ACTN4: variants seen among roughly 807,000 people sequenced by gnomAD.
ACTN4 encodes actinin alpha 4, also known as alpha-actinin-4.
A neutral mutation model predicts 114.2 loss-of-function variants in ACTN4; 18 were observed. The observed-to-expected ratio is 0.16, with a 90% CI of 0.11 to 0.23. The LOEUF (loss-of-function observed/expected upper bound fraction) is 0.23. Among genes scored for constraint, ACTN4 ranks in the 10% least tolerant of loss-of-function variants. The pLI is 1.00. For missense variants in ACTN4, 722 were observed against 1,262.9 expected (o/e 0.57, Z 6.49); for synonymous variants, 515 against 506.3 (o/e 1.02, Z -0.23).
Position 38,729,640 on chromosome 19 carries a change from C to A in ACTN4, c.*208C>A. The stretch of plus-strand genomic sequence containing the variant: ...GGTTCCCCCGACCAGGTTGGGGAGA[C>A]TTGGGGCCAGCGCTTCTGGTCTGGT... On this transcript the variant is annotated 3_prime_UTR_variant, in exon 21 of 21. Coordinates refer to ENST00000252699, the MANE Select transcript of ACTN4 (RefSeq NM_004924.6). 2 of 761,256 alleles carry A rather than the reference C, an allele frequency of 2.6e-6. No individual in the cohort carries two copies. Among genetic ancestry groups the A allele is most frequent in the Non-Finnish European group, 4.5e-6 (2 of 440,740 alleles). The allele number at this position is 761,256 out of a possible 1,614,324, so 47.2% of individuals were successfully genotyped here.
chr19:38,657,727 G>A (rs981734160), intron 1 of ACTN4, among the ~76,000 whole-genome samples: 2 of 152,146 alleles, frequency 1.3e-5, no homozygotes, highest in East Asian at 1.9e-4. Flanking sequence ...AAGGAAGCTC[G>A]CAGGTGGTTC....
intron 1 of ACTN4, among the ~76,000 whole-genome samples, chr19:38,695,144 G>A (rs1313438227): frequency 3.3e-5 from 5 of 152,198 alleles, no homozygotes; most frequent in African/African-American, 4.8e-5. Flanking sequence ...TAAAGTGCTG[G>A]GATTACATGG....
rs766916985 is a variant in ACTN4 at position 38,724,147 on chromosome 19, C to T, written c.1693-10C>T. ...GCTGGGCCGCCCCCTCACTCCAGCT[C>T]CTCCCCTAGGGCCTGATCTCAGCCC... On this transcript the variant is annotated splice_polypyrimidine_tract_variant and intron_variant, in intron 14 of 20. Coordinates refer to ENST00000252699, the MANE Select transcript of ACTN4 (RefSeq NM_004924.6). This position sits in a 1 kb window ranked among gnomAD's most constrained non-coding sequence, Gnocchi z 7.0. The T allele has an allele frequency of 1.9e-6, 3 of 1,613,692 alleles. No homozygotes were observed. Among genetic ancestry groups the T allele is most frequent in the Admixed American group, 3.3e-5 (2 of 60,002 alleles).
chr19:38,720,689 G>A lies in ACTN4; in HGVS notation c.1292-849G>A, dbSNP rs142652288. Among the ~76,000 whole-genome samples, 622 of 152,346 alleles carry A rather than the reference G, an allele frequency of 4.1e-3. 1 individual carries two copies. Among genetic ancestry groups the A allele is most frequent in the Middle Eastern group, 0.021 (6 of 292 alleles). ...TAGTTCCATGCCACACAGGTACTGG[G>A]GCTGGCCCCATTTTACAGATGAAGG... On this transcript the variant is annotated intron_variant, in intron 11 of 20. Coordinates refer to ENST00000252699, the MANE Select transcript of ACTN4 (RefSeq NM_004924.6).
At chr19:38,696,814 C>T (rs755726594) in intron 1 of ACTN4, among the ~76,000 whole-genome samples, 8 of 152,272 alleles carry the variant, frequency 5.3e-5, no homozygotes, top group Non-Finnish European at 8.8e-5. Context: ...TTCCCTTCTG[C>T]GTCATCCAGG....
At chr19:38,709,304 G>T in intron 6 of ACTN4, 91 bp from the exon 7 acceptor site, 2 of 969,082 alleles carry the variant, frequency 2.1e-6, no homozygotes, top group Non-Finnish European at 1.7e-6. Context: ...TCGCCCTCCC[G>T]GGTCTCTCCC....
chr19:38,696,585 G>A (rs908230369), intron 1 of ACTN4, among the ~76,000 whole-genome samples: 6 of 152,204 alleles, frequency 3.9e-5, no homozygotes, highest in Admixed American at 1.3e-4. Flanking sequence ...CAGTCTCTCC[G>A]CATGGAGAAG....
At chr19:38,708,330 G>C (rs1218926563) in intron 6 of ACTN4, 135 bp downstream of exon 6, 3 of 982,276 alleles carry the variant, frequency 3.1e-6, no homozygotes, top group African/African-American at 1.6e-5. Flanking sequence ...CAGCCTGGGA[G>C]AGCCTTGTGC....
At chr19:38,723,869 C>A in intron 13 of ACTN4, 68 bp from the exon 14 acceptor site, 1 of 1,571,822 alleles carries the variant, frequency 6.4e-7, no homozygotes, top group South Asian at 1.1e-5. Context: ...GGACCCCTCC[C>A]CACCCCTCCT....
At chr19:38,684,045 G>C (rs1236225562) in intron 1 of ACTN4, 1 of 152,964 alleles carries the variant, frequency 6.5e-6, no homozygotes, top group Non-Finnish European at 1.5e-5. Context: ...AAGCAGACTT[G>C]GTGAGGCTTG....
Position 38,673,528 on chromosome 19 carries a change from C to A in ACTN4, c.162+25621C>A, listed in dbSNP as rs8182552. ...ATATGAATATATATTTATATATATTCATATATACTTATATATATTTATATA... is the reference window on the plus strand; with the variant it reads ...ATATGAATATATATTTATATATATTAATATATACTTATATATATTTATATA... On this transcript the variant is annotated intron_variant, in intron 1 of 20. Transcript: ENST00000252699. 3.2e-3 allele frequency among the ~76,000 whole-genome samples: 203 copies of A among 63,046 alleles called. 2 individuals are homozygous for A. The highest frequency in any genetic ancestry group is 6.2e-3 in the Middle Eastern group (1 of 162). 41.4% of individuals were successfully genotyped at this position (63,046 alleles called of 152,430 possible).
chr19:38,678,970 G>T (rs1286595672), intron 1 of ACTN4, among the ~76,000 whole-genome samples: 1 of 152,206 alleles, frequency 6.6e-6, no homozygotes, highest in East Asian at 1.9e-4. Context: ...AGCGGCCTTT[G>T]CAGGATAATG....
rs1356554838 is a variant in ACTN4 at position 38,731,265 on chromosome 19, C to T, written c.*1833C>T. On this transcript the variant is annotated 3_prime_UTR_variant, in exon 21 of 21. Transcript: ENST00000252699. Reference sequence around the variant, plus strand: ...TCTGAGCCCAGTGGCCCACAGGGAACCCACCTTGGCATTGCATCCCCACCC... The same window carrying T: ...TCTGAGCCCAGTGGCCCACAGGGAATCCACCTTGGCATTGCATCCCCACCC... 1.3e-6 allele frequency: 2 copies of T among 1,527,596 alleles called. No individual in the cohort carries two copies. The highest frequency in any genetic ancestry group is 1.1e-5 in the South Asian group (1 of 89,264). The allele number at this position is 1,527,596 out of a possible 1,614,324, so 94.6% of individuals were successfully genotyped here. A position where few individuals can be genotyped will look rare whatever the true frequency, so the allele number is the denominator to read the frequency against.
chr19:38,658,440 C>T (rs2041620193), intron 1 of ACTN4, among the ~76,000 whole-genome samples: 2 of 152,184 alleles, frequency 1.3e-5, no homozygotes, highest in South Asian at 4.1e-4. Context: ...AAATCCACAT[C>T]CTCCCTAATC....
intron 1 of ACTN4, among the ~76,000 whole-genome samples, chr19:38,690,503 A>G (rs999075420): frequency 2.0e-5 from 3 of 152,220 alleles, no homozygotes; most frequent in African/African-American, 7.2e-5. Flanking sequence ...ATAGAGCTAT[A>G]ACACTCACTG....
At position 38,728,014 on chromosome 19, in the gene ACTN4, G is replaced by C; in HGVS notation, c.2406G>C (p.Glu802Asp). The change falls in exon 19 of 21, where the codon GAG becomes GAC. Residue 802 changes from glutamate to aspartate, a missense_variant. Glu to Asp is a conservative substitution (Grantham distance 45, BLOSUM62 2). Around this residue, in one of 3 missense-constraint regions of ACTN4, gnomAD observed 523 missense variants for 875.9 expected, o/e 0.60. Transcript: ENST00000252699. Reference protein sequence around the residue: ...ACLISLGYDVENDRQGEAEFN... With the variant: ...ACLISLGYDVDNDRQGEAEFN... ...TCATCAGCCTGGGCTACGACGTGGA[G>C]AACGACCGGCAGGTACTGCACCCTG... 1 of 1,612,796 alleles carries C rather than the reference G, an allele frequency of 6.2e-7. No homozygotes were observed. Among genetic ancestry groups the C allele is most frequent in the East Asian group, 2.2e-5 (1 of 44,838 alleles).
intron 1 of ACTN4, among the ~76,000 whole-genome samples, chr19:38,649,202 G>A (rs1222496345): frequency 2.1e-5 from 3 of 145,748 alleles, no homozygotes; most frequent in Admixed American, 6.9e-5. Context: ...GGGCAACTTG[G>A]TAGGGCCCCA....
At chr19:38,720,566 G>T (rs1438557845) in intron 11 of ACTN4, among the ~76,000 whole-genome samples, 1 of 152,260 alleles carries the variant, frequency 6.6e-6, no homozygotes, top group Non-Finnish European at 1.5e-5. Flanking sequence ...GGGGAGTCTG[G>T]TAGGTGCCTG....
chr19:38,663,939 A>C (rs1976970904), intron 1 of ACTN4, among the ~76,000 whole-genome samples: 1 of 152,234 alleles, frequency 6.6e-6, no homozygotes, highest in South Asian at 2.1e-4. Flanking sequence ...AGGTTTCGAC[A>C]AAAAGAATGG....
Sources: allele counts gnomAD v4.1 joint callset (sites outside exome capture counted in the v4.1 genomes callset), GRCh38; gene constraint gnomAD v4.1.1; regional missense constraint gnomAD v4.1.1; non-coding constraint Gnocchi (gnomAD v3.1); transcripts MANE v1.5; gene names NCBI Gene and HGNC (gene_info 2026-07-23, HGNC 2026-07-21).